Variants in MBD5 observed in about 807,000 individuals in gnomAD.
The protein encoded by MBD5 is methyl-CpG-binding domain protein 5.
A neutral mutation model predicts 117.3 loss-of-function variants in MBD5; 13 were observed. That is an observed-to-expected ratio of 0.11 (90% CI 0.07 to 0.18). The LOEUF is 0.18. MBD5 is among the 10% of genes least tolerant of loss of function. The pLI is 1.00. For synonymous variants in MBD5, 727 were observed against 766.4 expected (o/e 0.95, Z 0.85); for missense variants, 1,879 against 2,093.8 (o/e 0.90, Z 2.00).
At chr2:148,155,002 A>T (rs1185385852) in intron 1 of MBD5, among the ~76,000 whole-genome samples, 1 of 152,202 alleles carries the variant, frequency 6.6e-6, no homozygotes, top group African/African-American at 2.4e-5. Flanking sequence ...TAGGCCCTGA[A>T]GGTGCAATAG....
At chr2:148,405,306 G>A (rs1196279000) in intron 4 of MBD5, among the ~76,000 whole-genome samples, 1 of 152,158 alleles carries the variant, frequency 6.6e-6, no homozygotes, top group Non-Finnish European at 1.5e-5. Context: ...TGCTTTTCAA[G>A]GTGATATTTG....
At chr2:148,195,076 T>C (rs1698944875) in intron 2 of MBD5, among the ~76,000 whole-genome samples, 1 of 152,212 alleles carries the variant, frequency 6.6e-6, no homozygotes, top group Non-Finnish European at 1.5e-5. Flanking sequence ...GGTATGTCTA[T>C]GTTCCAATAA....
At chr2:148,244,230 A>G (rs187227583) in intron 3 of MBD5, 1 of 152,104 alleles carries the variant, frequency 6.6e-6, no homozygotes, top group Admixed American at 6.6e-5. Context: ...GACAATACCT[A>G]TCTTATAAGT....
At chr2:148,225,552 A>G (rs1169556494) in intron 2 of MBD5, among the ~76,000 whole-genome samples, 1 of 152,072 alleles carries the variant, frequency 6.6e-6, no homozygotes, top group East Asian at 1.9e-4. Flanking sequence ...ATTACCAGTG[A>G]GTTTTGTACT....
intron 1 of MBD5, among the ~76,000 whole-genome samples, chr2:148,038,170 A>G (rs1694248818): frequency 6.6e-6 from 1 of 152,054 alleles, no homozygotes; most frequent in South Asian, 2.1e-4. Context: ...AAGAGAAGAA[A>G]GTCAGGCAGG....
At chr2:148,161,775 G>A (rs1698013216) in intron 1 of MBD5, among the ~76,000 whole-genome samples, 1 of 152,152 alleles carries the variant, frequency 6.6e-6, no homozygotes. Context: ...ATGTCTTCTA[G>A]TATCCTGATA....
rs186853673 is a variant in MBD5, at chr2:148,445,494, C to G, written c.-556-12709C>G. Among the ~76,000 whole-genome samples the G allele has an allele frequency of 9.3e-4, 141 of 151,344 alleles. 9 individuals carry two copies. Among genetic ancestry groups the G allele is most frequent in the African/African-American group, 3.4e-3 (138 of 40,722 alleles). On this transcript the variant is annotated intron_variant, in intron 4 of 13. Transcript: ENST00000642680. ...TCAATTTTTATGGCTGCATAGTATT[C>G]CATGGTGTATATGTGCCACATTTTC...
chr2:148,195,314 T>G (rs187888454), intron 2 of MBD5, among the ~76,000 whole-genome samples: 2 of 152,230 alleles, frequency 1.3e-5, no homozygotes, highest in East Asian at 3.9e-4. Flanking sequence ...TTAACAGAGA[T>G]AAAGAGGAAA....
At chr2:148,421,952 A>C (rs183053481) in intron 4 of MBD5, among the ~76,000 whole-genome samples, 29 of 152,288 alleles carry the variant, frequency 1.9e-4, no homozygotes, top group Non-Finnish European at 3.1e-4. Flanking sequence ...ACAGATAAAA[A>C]TCCCATCACC....
intron 1 of MBD5, chr2:148,062,394 A>G (rs1695061032): frequency 6.6e-6 from 1 of 151,876 alleles, no homozygotes; most frequent in Non-Finnish European, 1.5e-5. Flanking sequence ...GTAATAGTAT[A>G]ATAATGTATA....
chr2:148,264,559 A>G (rs1182634422), intron 3 of MBD5: 1 of 152,194 alleles, frequency 6.6e-6, no homozygotes, highest in East Asian at 1.9e-4. Context: ...CATTGTACCA[A>G]TCAGAATTCT....
intron 1 of MBD5, among the ~76,000 whole-genome samples, chr2:148,166,676 T>G (rs1302256637): frequency 2.0e-5 from 3 of 152,208 alleles, no homozygotes; most frequent in Non-Finnish European, 2.9e-5. Flanking sequence ...AGGGTACTTC[T>G]CCACCTCCTT....
intron 2 of MBD5, among the ~76,000 whole-genome samples, chr2:148,199,369 A>G (rs1450810398): frequency 6.6e-6 from 1 of 152,242 alleles, no homozygotes; most frequent in Non-Finnish European, 1.5e-5. Flanking sequence ...CAGACTTTTA[A>G]CAGTAATTTT....
rs1682331068 is a variant in MBD5, at chr2:148,515,688, T to A, written c.*2747T>A. 1 of 152,140 alleles carries A rather than the reference T, an allele frequency of 6.6e-6. No homozygotes were observed. The highest frequency in any genetic ancestry group is 1.5e-5 in the Non-Finnish European group (1 of 68,008). The allele number at this position is 152,140 out of a possible 1,614,324, so 9.4% of individuals were successfully genotyped here. On this transcript the variant is annotated 3_prime_UTR_variant, in exon 14 of 14. Transcript: ENST00000642680. Reference sequence around the variant, plus strand: ...ACTTTTTAAGAAACAAATCCAAGAATGGAAACAGATGAAAAATTTTTTCTT... The same window carrying A: ...ACTTTTTAAGAAACAAATCCAAGAAAGGAAACAGATGAAAAATTTTTTCTT...
chr2:148,341,925 T>C (rs1011324251), intron 3 of MBD5, among the ~76,000 whole-genome samples: 5 of 152,012 alleles, frequency 3.3e-5, no homozygotes, highest in African/African-American at 4.8e-5. Flanking sequence ...ATAGTAGATA[T>C]ACAAAATTAT....
At chr2:148,372,291 C>A (rs1703875864) in intron 4 of MBD5, among the ~76,000 whole-genome samples, 1 of 152,058 alleles carries the variant, frequency 6.6e-6, no homozygotes, top group Admixed American at 6.6e-5. Flanking sequence ...ACAATCTTAT[C>A]ATCTACATTA....
At chr2:148,437,676 G>T (rs1313000509) in intron 4 of MBD5, among the ~76,000 whole-genome samples, 1 of 151,688 alleles carries the variant, frequency 6.6e-6, no homozygotes, top group Non-Finnish European at 1.5e-5. Flanking sequence ...ACATATCTTT[G>T]CAAGCAGAAA....
intron 1 of MBD5, among the ~76,000 whole-genome samples, chr2:148,069,219 A>G (rs1379046839): frequency 6.6e-6 from 1 of 152,190 alleles, no homozygotes; most frequent in African/African-American, 2.4e-5. Flanking sequence ...GAGGGGGAGC[A>G]AGTAAGACAG....
chr2:148,141,037 G>T (rs1206588637), intron 1 of MBD5, among the ~76,000 whole-genome samples: 1 of 152,076 alleles, frequency 6.6e-6, no homozygotes, highest in East Asian at 1.9e-4. Flanking sequence ...CAACCAAACT[G>T]CTGGGATTAC....
Sources: gnomAD v4.1 joint callset for allele counts (sites outside exome capture counted in the v4.1 genomes callset) on GRCh38, gnomAD v4.1.1 for gene constraint, MANE v1.5 for transcripts, NCBI Gene and HGNC (gene_info 2026-07-23, HGNC 2026-07-21) for gene names.